Variants in MAN1A2 observed in about 807,000 individuals in gnomAD.
The protein encoded by MAN1A2 is mannosidase alpha class 1A member 2, also known as mannosyl-oligosaccharide 1,2-alpha-mannosidase IB.
MAN1A2 carries 26 observed loss-of-function variants against 75.7 expected under a neutral mutation model. The ratio of observed to expected loss-of-function variants is 0.34; its 90% CI spans 0.25 to 0.48. The LOEUF is 0.48. Ranked by LOEUF, MAN1A2 falls within the 20% of genes least tolerant of loss-of-function variation. The pLI, the probability that MAN1A2 is intolerant of heterozygous loss-of-function variation, is 0.99. For synonymous variants in MAN1A2, 247 were observed against 264.6 expected, an observed-to-expected ratio of 0.93 and a Z score of 0.65; for missense variants, 562 against 775.5, an observed-to-expected ratio of 0.72 and a Z score of 3.27.
intron 8 of MAN1A2, among the ~76,000 whole-genome samples, chr1:117,488,461 G>T (rs1032207431): frequency 1.3e-5 from 2 of 152,064 alleles, no homozygotes; most frequent in African/African-American, 4.8e-5. Context: ...CTCCCAAAGT[G>T]CTGGGATTGC....
At chr1:117,472,626 T>C (rs10923311) in intron 8 of MAN1A2, among the ~76,000 whole-genome samples, 20,931 of 152,020 alleles carry the variant, frequency 0.14, 1,645 homozygotes, top group Admixed American at 0.22. Flanking sequence ...ATACATTCTT[T>C]TGCTTTTCTC....
intron 6 of MAN1A2, among the ~76,000 whole-genome samples, chr1:117,459,379 A>G (rs1649737928): frequency 6.6e-6 from 1 of 152,214 alleles, no homozygotes; most frequent in South Asian, 2.1e-4. Flanking sequence ...TTTAAGGGCT[A>G]AGGAGGAAAT....
chr1:117,455,130 G>A (rs988312524), intron 6 of MAN1A2, among the ~76,000 whole-genome samples: 3 of 152,206 alleles, frequency 2.0e-5, no homozygotes, highest in South Asian at 2.1e-4. Context: ...TAGGATATAG[G>A]TAAATAGTTG....
At chr1:117,418,615 A>G (rs1237688444) in intron 4 of MAN1A2, among the ~76,000 whole-genome samples, 2 of 151,982 alleles carry the variant, frequency 1.3e-5, no homozygotes, top group East Asian at 1.9e-4. Flanking sequence ...CTGTAATTCT[A>G]TTACTATATG....
chr1:117,381,974 T>A (rs2101726967), intron 1 of MAN1A2, among the ~76,000 whole-genome samples: 1 of 151,976 alleles, frequency 6.6e-6, no homozygotes, highest in East Asian at 1.9e-4. Flanking sequence ...TTTGGCTGCA[T>A]AAATGTCTTC....
chr1:117,432,237 A>T (rs1241388713), intron 5 of MAN1A2, among the ~76,000 whole-genome samples: 1 of 152,244 alleles, frequency 6.6e-6, no homozygotes, highest in Non-Finnish European at 1.5e-5. Flanking sequence ...CTATCATTGC[A>T]GATTCCACAT....
At chr1:117,422,170 C>T (rs1177744066) in intron 5 of MAN1A2, among the ~76,000 whole-genome samples, 1 of 152,036 alleles carries the variant, frequency 6.6e-6, no homozygotes, top group African/African-American at 2.4e-5. Context: ...ATTTTATTAT[C>T]CTAGAAAATT....
intron 11 of MAN1A2, among the ~76,000 whole-genome samples, chr1:117,502,617 G>A (rs944114948): frequency 6.6e-6 from 1 of 151,622 alleles, no homozygotes; most frequent in African/African-American, 2.4e-5. Flanking sequence ...AATATAAGAT[G>A]TCTTAAAAAG....
intron 11 of MAN1A2, among the ~76,000 whole-genome samples, chr1:117,500,008 A>C (rs1030026122): frequency 6.6e-6 from 1 of 151,808 alleles, no homozygotes; most frequent in African/African-American, 2.4e-5. Flanking sequence ...CAAATTGTTT[A>C]ACTTAAGCTT....
chr1:117,424,485 C>T (rs1048405455), intron 5 of MAN1A2, among the ~76,000 whole-genome samples: 8 of 152,198 alleles, frequency 5.3e-5, no homozygotes, highest in African/African-American at 1.7e-4. Context: ...CCTGGTTTGT[C>T]CTTTCTGTGC....
Position 117,496,799 on chromosome 1 carries a change from G to A in MAN1A2, c.1321G>A (p.Gly441Ser). The A allele has an allele frequency of 6.2e-7, 1 of 1,612,434 alleles. No homozygotes were observed. ...ACATCTTATTAAGAAGTCTCGTGGA[G>A]GTCTTACCTTTATTGGAGAATGGAA... The part of the protein sequence containing the change: ...EKHLIKKSRG[G>S]LTFIGEWKNG... The change falls in exon 10 of 13, where the codon GGT (glycine) becomes AGT (serine). Residue 441 changes from glycine (G) to serine (S), a missense_variant. Physicochemically the swap from Gly to Ser is moderately conservative, Grantham distance 56 (BLOSUM62 0). This residue lies in a region of MAN1A2 where 434 missense variants were observed against 645.7 expected (regional missense o/e 0.67). Coordinates refer to ENST00000356554, the MANE Select transcript of MAN1A2 (RefSeq NM_006699.5).
intron 12 of MAN1A2, among the ~76,000 whole-genome samples, chr1:117,514,329 C>G (rs1321243965): frequency 6.7e-6 from 1 of 149,382 alleles, no homozygotes; most frequent in Non-Finnish European, 1.5e-5. Context: ...TGCCACTGCA[C>G]TCCAGCTGGG....
chr1:117,469,382 T>G (rs1001737023), intron 8 of MAN1A2, among the ~76,000 whole-genome samples: 3 of 152,062 alleles, frequency 2.0e-5, no homozygotes, highest in African/African-American at 7.2e-5. Context: ...GGGAAAATCT[T>G]CGTGACCTTT....
chr1:117,437,181 T>C (rs1056290059), intron 5 of MAN1A2, among the ~76,000 whole-genome samples: 1 of 151,952 alleles, frequency 6.6e-6, no homozygotes, highest in Non-Finnish European at 1.5e-5. Flanking sequence ...GAGATGAAAA[T>C]AGATTGAGAG....
intron 7 of MAN1A2, among the ~76,000 whole-genome samples, chr1:117,463,112 A>C (rs1175476802): frequency 6.6e-6 from 1 of 150,678 alleles, no homozygotes; most frequent in Non-Finnish European, 1.5e-5. Context: ...TTTTATATTA[A>C]TTATGTTAAA....
chr1:117,406,478 T>A (rs1647619109), intron 3 of MAN1A2, among the ~76,000 whole-genome samples: 1 of 152,074 alleles, frequency 6.6e-6, no homozygotes, highest in African/African-American at 2.4e-5. Flanking sequence ...CAATTTTCTT[T>A]TTGACACTAG....
rs1652011450 is a variant in MAN1A2, at chr1:117,526,136, C to T, written c.*3179C>T. The stretch of plus-strand genomic sequence containing the variant: ...ATTTGTTGATAAAAGATTGTGTTTG[C>T]CATTCTCATTTATAATGCAGTTTCT... On this transcript the variant is annotated 3_prime_UTR_variant, in exon 13 of 13. Transcript: ENST00000356554. 1 of 151,770 alleles carries T rather than the reference C, an allele frequency of 6.6e-6. No homozygotes were observed. Among genetic ancestry groups the T allele is most frequent in the African/African-American group, 2.4e-5 (1 of 41,374 alleles). 9.4% of individuals were successfully genotyped at this position (151,770 alleles called of 1,614,324 possible). A position where few individuals can be genotyped will look rare whatever the true frequency, so the allele number is the denominator to read the frequency against.
chr1:117,435,061 T>C (rs758858432), intron 5 of MAN1A2, among the ~76,000 whole-genome samples: 17 of 151,856 alleles, frequency 1.1e-4, no homozygotes, highest in African/African-American at 4.1e-4. Context: ...AGGGGGAAGA[T>C]CATGAGTTAA....
intron 4 of MAN1A2, among the ~76,000 whole-genome samples, chr1:117,417,606 T>G (rs1027688266): frequency 4.1e-5 from 6 of 145,030 alleles, no homozygotes; most frequent in African/African-American, 1.5e-4. Context: ...GTTTTATCTC[T>G]TTTTTGTGTT....
Sources: allele counts gnomAD v4.1 joint callset (sites outside exome capture counted in the v4.1 genomes callset), GRCh38; gene constraint gnomAD v4.1.1; regional missense constraint gnomAD v4.1.1; transcripts MANE v1.5; gene names NCBI Gene and HGNC (gene_info 2026-07-23, HGNC 2026-07-21).